CYP27A1: variants seen among roughly 807,000 people sequenced by gnomAD.
CYP27A1 encodes the protein sterol 26-hydroxylase, mitochondrial.
Under a neutral mutation model 58.2 loss-of-function variants are expected in CYP27A1, and 46 were observed. That is an observed-to-expected ratio of 0.79 (90% CI 0.62 to 1.01). The LOEUF is 1.01. Among genes scored for constraint, CYP27A1 ranks in the 50% least tolerant of loss-of-function variants. CYP27A1 has a pLI of 0.00. For synonymous variants in CYP27A1, 274 were observed against 285.1 expected (o/e 0.96, Z 0.39); for missense variants, 704 against 687.0 (o/e 1.02, Z -0.28).
Position 218,814,474 on chromosome 2 carries a change from G to A in CYP27A1, c.1263+16G>A. The A allele has an allele frequency of 1.9e-6, 3 of 1,613,968 alleles. No individual in the cohort carries two copies. Among genetic ancestry groups the A allele is most frequent in the Non-Finnish European group, 2.5e-6 (3 of 1,179,774 alleles). On this transcript the variant is annotated intron_variant, in intron 7 of 8. Coordinates refer to ENST00000258415, the MANE Select transcript of CYP27A1 (RefSeq NM_000784.4). Reference sequence around the variant, plus strand: ...CCCCAAGAACGTGAGTGGGGCTAGAGAGCCCGATTGCCCAGGAGTGCCCTA... The same window carrying A: ...CCCCAAGAACGTGAGTGGGGCTAGAAAGCCCGATTGCCCAGGAGTGCCCTA...
At chr2:218,813,618 C>T (rs780317767) in intron 5 of CYP27A1, among the ~76,000 whole-genome samples, 21 of 151,910 alleles carry the variant, frequency 1.4e-4, no homozygotes, top group African/African-American at 2.2e-4. Context: ...TTAGTAGAGA[C>T]GGGGGTTTCA....
At chr2:218,795,651 T>C (rs13027908) in intron 1 of CYP27A1, among the ~76,000 whole-genome samples, 77,776 of 152,072 alleles carry the variant, frequency 0.51, 20,567 homozygotes, top group African/African-American at 0.6. Context: ...GATTGCTGGT[T>C]GGTTCACAGG....
At chr2:218,809,853 C>G in intron 2 of CYP27A1, 86 bp downstream of exon 2, 1 of 1,288,930 alleles carries the variant, frequency 7.8e-7, no homozygotes, top group Non-Finnish European at 1.1e-6. Context: ...GGTGGATAAC[C>G]GGCAGAATAG....
At chr2:218,792,250 C>T (rs560796750) in intron 1 of CYP27A1, among the ~76,000 whole-genome samples, 2 of 152,190 alleles carry the variant, frequency 1.3e-5, no homozygotes, top group South Asian at 4.1e-4. Context: ...GTTGTTTCTC[C>T]AATTTAGGTG....
In CYP27A1 at chr2:218,814,773, C is replaced by A; in HGVS notation, c.1476+16C>A. 1 of 1,613,750 alleles carries A rather than the reference C, an allele frequency of 6.2e-7. No individual in the cohort carries two copies. Among genetic ancestry groups the A allele is most frequent in the African/African-American group, 1.3e-5 (1 of 75,008 alleles). ...CCTCGCAAGGGTGAGCTGGGAGAGGCTAGTAGGGTGTGTGGGCAGGGAGGG... is the reference window on the plus strand; with the variant it reads ...CCTCGCAAGGGTGAGCTGGGAGAGGATAGTAGGGTGTGTGGGCAGGGAGGG... On this transcript the variant is annotated intron_variant, in intron 8 of 8. Transcript: ENST00000258415.
At chr2:218,784,961 G>T (rs1292106792) in intron 1 of CYP27A1, among the ~76,000 whole-genome samples, 1 of 152,118 alleles carries the variant, frequency 6.6e-6, no homozygotes, top group East Asian at 1.9e-4. Context: ...GGACTGGGGT[G>T]GTGGGGATGG....
intron 1 of CYP27A1, among the ~76,000 whole-genome samples, chr2:218,798,166 C>A (rs13034391): frequency 0.43 from 65,119 of 151,156 alleles, 14,766 homozygotes; most frequent in Non-Finnish European, 0.5. Flanking sequence ...CCACACTTGG[C>A]TAATTTTTTT....
rs1943729710 is a variant in CYP27A1, at chr2:218,812,549, C to A, written c.647-3C>A. Reference sequence around the variant, plus strand: ...CCTGTGATGGCCTCTGTGCACTACTCAGCTATTTGCTACATCCTGTTCGAG... The same window carrying A: ...CCTGTGATGGCCTCTGTGCACTACTAAGCTATTTGCTACATCCTGTTCGAG... On this transcript the variant is annotated splice_region_variant and splice_polypyrimidine_tract_variant and intron_variant, in intron 3 of 8. Coordinates refer to ENST00000258415, the MANE Select transcript of CYP27A1 (RefSeq NM_000784.4). 1 of 1,614,182 alleles carries A rather than the reference C, an allele frequency of 6.2e-7. No homozygotes were observed. Among genetic ancestry groups the A allele is most frequent in the African/African-American group, 1.3e-5 (1 of 75,048 alleles).
intron 1 of CYP27A1, among the ~76,000 whole-genome samples, chr2:218,803,834 G>C (rs565446338): frequency 1.4e-5 from 2 of 146,806 alleles, no homozygotes; most frequent in Admixed American, 1.4e-4. Flanking sequence ...CCGGGTTCAA[G>C]TGATTCTCCT....
At chr2:218,783,271 A>AG (rs1464359109) in intron 1 of CYP27A1, among the ~76,000 whole-genome samples, 20 of 151,248 alleles carry the variant, frequency 1.3e-4, no homozygotes, top group African/African-American at 3.6e-4. Flanking sequence ...AAAAAAAAAA[A>AG]AAAAAGAAAA....
intron 1 of CYP27A1, among the ~76,000 whole-genome samples, chr2:218,800,988 A>G (rs1943594286): frequency 6.6e-6 from 1 of 152,210 alleles, no homozygotes; most frequent in South Asian, 2.1e-4. Flanking sequence ...CCCTGTTGGT[A>G]TACTTTTAGA....
chr2:218,795,863 C>T (rs1225345474), intron 1 of CYP27A1, among the ~76,000 whole-genome samples: 4 of 152,142 alleles, frequency 2.6e-5, no homozygotes, highest in Non-Finnish European at 5.9e-5. Flanking sequence ...GCATAAAGTA[C>T]AGCAAGAATA....
At chr2:218,804,690 TTA>T (rs1411770006) in intron 1 of CYP27A1, among the ~76,000 whole-genome samples, 2 of 152,228 alleles carry the variant, frequency 1.3e-5, no homozygotes, top group African/African-American at 4.8e-5. Flanking sequence ...GACTTTCCAC[TTA>T]TTTAGGTCTT....
In CYP27A1 at chr2:218,810,958, T is replaced by C. The variant is rs540583729; in HGVS notation, c.446+1191T>C. On this transcript the variant is annotated intron_variant, in intron 2 of 8. Coordinates refer to ENST00000258415, the MANE Select transcript of CYP27A1 (RefSeq NM_000784.4). ...GTCAGGAGATCAAGACCATCCTGGC[T>C]AACACGGTGAAACCCCGACTCTACT... Among the ~76,000 whole-genome samples, 859 of 152,074 alleles carry C rather than the reference T, an allele frequency of 5.6e-3. 1 individual carries two copies. The highest frequency in any genetic ancestry group is 8.7e-3 in the Non-Finnish European group (590 of 67,972).
At chr2:218,808,846 C>T (rs889747613) in intron 1 of CYP27A1, among the ~76,000 whole-genome samples, 3 of 152,072 alleles carry the variant, frequency 2.0e-5, no homozygotes, top group Non-Finnish European at 2.9e-5. Flanking sequence ...TTCATAGAGG[C>T]CGTGGATATC....
Position 218,814,183 on chromosome 2 carries a change from C to T in CYP27A1, c.1180C>T (p.Leu394=), listed in dbSNP as rs1943757089. 1.7e-5 allele frequency: 28 copies of T among 1,614,224 alleles called. No homozygotes were observed. Among genetic ancestry groups the T allele is most frequent in the Non-Finnish European group, 2.4e-5 (28 of 1,180,038 alleles). ...PLLKAVLKET[L]RLYPVVPTNS... ...GCTCAAAGCTGTGCTTAAGGAGACT[C>T]TGCGGTAGGACAGAATGCTGTTCTG... is the stretch of plus-strand genomic sequence containing the variant. The change falls in exon 6 of 9, where the codon CTG becomes TTG. Residue 394 remains leucine (L), a synonymous_variant. Coordinates refer to ENST00000258415, the MANE Select transcript of CYP27A1 (RefSeq NM_000784.4).
At chr2:218,807,177 T>A (rs1029260543) in intron 1 of CYP27A1, among the ~76,000 whole-genome samples, 4 of 152,028 alleles carry the variant, frequency 2.6e-5, no homozygotes, top group African/African-American at 9.7e-5. Flanking sequence ...GCCAGGTTGG[T>A]CTCGAACTCT....
Position 218,804,406 on chromosome 2 carries a change from C to CTTAGACCACTTACACTTACACTTA in CYP27A1, c.256-5170_256-5169insTAGACCACTTACACTTACACTTAT, listed in dbSNP as rs1943630731. Among the ~76,000 whole-genome samples, 4 of 152,164 alleles carry CTTAGACCACTTACACTTACACTTA rather than the reference C, an allele frequency of 2.6e-5. No individual in the cohort carries two copies. In the South Asian group the frequency reaches 8.3e-4, roughly 32 times the overall value. On this transcript the variant is annotated intron_variant, in intron 1 of 8. Coordinates refer to ENST00000258415, the MANE Select transcript of CYP27A1 (RefSeq NM_000784.4). ...AGTTGTATTCCATTGGTCTATATGT[C>CTTAGACCACTTACACTTACACTTA]TACACTTACACTAGTAACTTACTGT...
intron 2 of CYP27A1, among the ~76,000 whole-genome samples, chr2:218,810,594 T>C (rs1943702631): frequency 6.6e-6 from 1 of 152,254 alleles, no homozygotes; most frequent in South Asian, 2.1e-4. Flanking sequence ...AACATATATA[T>C]TTTTAAAATA....
Sources: allele counts gnomAD v4.1 joint callset (sites outside exome capture counted in the v4.1 genomes callset), GRCh38; gene constraint gnomAD v4.1.1; transcripts MANE v1.5; gene names NCBI Gene and HGNC (gene_info 2026-07-23, HGNC 2026-07-21).